Variants in TBC1D15 observed in about 807,000 individuals in gnomAD.
TBC1D15 encodes the protein GAP for RAB7.
TBC1D15 carries 39 observed loss-of-function variants against 95.4 expected under a neutral mutation model. The ratio of observed to expected loss-of-function variants is 0.41; its 90% confidence interval spans 0.32 to 0.53. The LOEUF (loss-of-function observed/expected upper bound fraction) is 0.53. TBC1D15 is among the 20% of genes least tolerant of loss of function. The pLI is 0.29. For missense variants in TBC1D15, 733 were observed against 794.3 expected, an observed-to-expected ratio of 0.92 and a Z score of 0.93; for synonymous variants, 258 against 261.3, an observed-to-expected ratio of 0.99 and a Z score of 0.12.
At chr12:71,912,847 T>A (rs989701739) in intron 11 of TBC1D15, among the ~76,000 whole-genome samples, 1 of 152,058 alleles carries the variant, frequency 6.6e-6, no homozygotes, top group African/African-American at 2.4e-5. Flanking sequence ...AATGATAACG[T>A]TTAAGTAAAA....
At chr12:71,865,762 AC>A (rs1565970248) in intron 1 of TBC1D15, among the ~76,000 whole-genome samples, 1 of 152,014 alleles carries the variant, frequency 6.6e-6, no homozygotes, top group Non-Finnish European at 1.5e-5. Flanking sequence ...GATATGGGGT[AC>A]TGTGTCAGCT....
At chr12:71,902,435 G>A (rs1445469976) in intron 10 of TBC1D15, among the ~76,000 whole-genome samples, 3 of 152,118 alleles carry the variant, frequency 2.0e-5, no homozygotes, top group Non-Finnish European at 4.4e-5. Flanking sequence ...CACATCTACA[G>A]CCATCTGATC....
chr12:71,906,740 T>A (rs1900812221), intron 10 of TBC1D15, among the ~76,000 whole-genome samples: 1 of 152,158 alleles, frequency 6.6e-6, no homozygotes, highest in Non-Finnish European at 1.5e-5. Context: ...TTTAATTCAT[T>A]GAAAATGTTT....
intron 1 of TBC1D15, chr12:71,849,332 T>C: frequency 7.2e-6 from 9 of 1,256,392 alleles, no homozygotes; most frequent in Non-Finnish European, 1.0e-5. Flanking sequence ...GAGGCTATCA[T>C]AGGAGGCAAT....
At chr12:71,922,618 A>G (rs779678917) in intron 16 of TBC1D15, among the ~76,000 whole-genome samples, 29 of 152,202 alleles carry the variant, frequency 1.9e-4, no homozygotes, top group Non-Finnish European at 3.4e-4. Context: ...AAGCATGTCA[A>G]TGAGATACTT....
chr12:71,884,661 A>C, intron 4 of TBC1D15, 150 bp from the exon 5 acceptor site: 1 of 602,070 alleles, frequency 1.7e-6, no homozygotes, highest in South Asian at 2.4e-5. Flanking sequence ...ATAAGTAGCC[A>C]TATCTAATAC....
chr12:71,912,515 G>T (rs183737510), intron 11 of TBC1D15, among the ~76,000 whole-genome samples: 3 of 152,242 alleles, frequency 2.0e-5, no homozygotes, highest in African/African-American at 7.2e-5. Flanking sequence ...ATTCTGAGGT[G>T]ATCTGAGTGC....
Position 71,913,837 on chromosome 12 carries a change from G to T in TBC1D15, c.1312G>T (p.Gly438Ter). 1 of 1,571,530 alleles carries T rather than the reference G, an allele frequency of 6.4e-7. No homozygotes were observed. Among genetic ancestry groups the T allele is most frequent in the East Asian group, 2.4e-5 (1 of 42,318 alleles). Residue 438 changes from glycine (G) to a stop codon, truncating the protein, a stop_gained, in exon 12 of 17, where the codon GGA (glycine) becomes TGA (stop). Coordinates refer to ENST00000485960, the MANE Select transcript of TBC1D15 (RefSeq NM_001146213.3). LOFTEE classifies it high-confidence loss of function. ...TCTTTTCTTTTTAGGATATGTTCAA[G>T]GAATGAGTGATTTACTTTCCCCTCT... The part of the protein sequence containing the change: ...MYDFDLGYVQ[G>*]MSDLLSPLLY...
intron 3 of TBC1D15, among the ~76,000 whole-genome samples, chr12:71,873,628 ATT>A (rs1032877514): frequency 1.3e-5 from 2 of 152,188 alleles, no homozygotes; most frequent in African/African-American, 2.4e-5. Context: ...TGTGTTTAAC[ATT>A]TGGGGGAACT....
intron 5 of TBC1D15, among the ~76,000 whole-genome samples, chr12:71,886,014 C>G (rs895491297): frequency 6.6e-6 from 1 of 152,180 alleles, no homozygotes; most frequent in Non-Finnish European, 1.5e-5. Flanking sequence ...GTCATGTTAG[C>G]AGGTTCTTCC....
chr12:71,903,566 A>G (rs1359597019), intron 10 of TBC1D15, among the ~76,000 whole-genome samples: 1 of 152,220 alleles, frequency 6.6e-6, no homozygotes, highest in Non-Finnish European at 1.5e-5. Context: ...GTAAATGCAC[A>G]TGTATGTTCA....
chr12:71,900,458 A>G (rs1899121500), intron 10 of TBC1D15, among the ~76,000 whole-genome samples: 1 of 152,140 alleles, frequency 6.6e-6, no homozygotes, highest in Non-Finnish European at 1.5e-5. Flanking sequence ...GTCATCTCCA[A>G]GGTCTGATTT....
chr12:71,849,178 A>C (rs1006336965), intron 1 of TBC1D15: 145 of 268,066 alleles, frequency 5.4e-4, no homozygotes, highest in Middle Eastern at 3.0e-3. Context: ...AAAAAAAAAA[A>C]CAAAAAAAAA....
At chr12:71,907,609 A>T (rs1231478971) in intron 11 of TBC1D15, 2 of 152,394 alleles carry the variant, frequency 1.3e-5, no homozygotes, top group African/African-American at 4.8e-5. Flanking sequence ...ATAGGATATG[A>T]ATACTTATTC....
At chr12:71,921,534 T>A in intron 16 of TBC1D15, 80 bp downstream of exon 16, 1 of 840,506 alleles carries the variant, frequency 1.2e-6, no homozygotes, top group Non-Finnish European at 1.8e-6. Flanking sequence ...TTCTTGGAAA[T>A]AAAATAGCAA....
intron 6 of TBC1D15, among the ~76,000 whole-genome samples, chr12:71,893,532 T>C (rs1209570453): frequency 6.6e-6 from 1 of 151,844 alleles, no homozygotes; most frequent in Admixed American, 6.6e-5. Flanking sequence ...ACTCAGAGGC[T>C]TCCTTGGTTC....
intron 1 of TBC1D15, chr12:71,849,192 A>G: frequency 2.9e-6 from 1 of 340,468 alleles, no homozygotes; most frequent in Non-Finnish European, 5.3e-6. Flanking sequence ...AAAAAAAACA[A>G]AAAACTTCAG....
chr12:71,854,770 C>CA (rs1445078285), intron 1 of TBC1D15: 2 of 456,552 alleles, frequency 4.4e-6, no homozygotes, highest in Non-Finnish European at 8.8e-6. Context: ...CTCTCCCCCC[C>CA]ACCTTCTTTT....
At chr12:71,848,850 C>G (rs1886998761) in intron 1 of TBC1D15, among the ~76,000 whole-genome samples, 1 of 152,234 alleles carries the variant, frequency 6.6e-6, no homozygotes, top group South Asian at 2.1e-4. Flanking sequence ...ATGGGTTTGT[C>G]AAGCTCCTAG....
Sources: allele counts gnomAD v4.1 joint callset (sites outside exome capture counted in the v4.1 genomes callset), GRCh38; gene constraint gnomAD v4.1.1; transcripts MANE v1.5; gene names NCBI Gene and HGNC (gene_info 2026-07-23, HGNC 2026-07-21).